Variants in SLC9A9 observed in about 807,000 individuals in gnomAD.
The protein encoded by SLC9A9 is solute carrier family 9 member A9, also known as sodium/hydrogen exchanger 9.
A neutral mutation model predicts 77.8 loss-of-function variants in SLC9A9; 62 were observed. The observed-to-expected ratio is 0.80, with a 90% CI of 0.65 to 0.98. SLC9A9 has a LOEUF of 0.98. Ranked by LOEUF, SLC9A9 falls within the 50% of genes least tolerant of loss-of-function variation. SLC9A9 has a pLI of 0.00. For missense variants in SLC9A9, 775 were observed against 774.9 expected (o/e 1.00, Z 0.00); for synonymous variants, 320 against 283.5 (o/e 1.13, Z -1.29).
At chr3:143,757,326 A>T (rs1007398001) in intron 4 of SLC9A9, among the ~76,000 whole-genome samples, 2 of 152,164 alleles carry the variant, frequency 1.3e-5, no homozygotes, top group African/African-American at 4.8e-5. Context: ...GGAGCTAGGC[A>T]TTATGGAGAA....
intron 12 of SLC9A9, among the ~76,000 whole-genome samples, chr3:143,394,165 A>T (rs183897296): frequency 6.6e-6 from 1 of 152,282 alleles, no homozygotes; most frequent in East Asian, 1.9e-4. Context: ...AGAATTTTAG[A>T]CCAATATCCC....
intron 12 of SLC9A9, among the ~76,000 whole-genome samples, chr3:143,429,187 A>T (rs1322417515): frequency 6.6e-6 from 1 of 152,254 alleles, no homozygotes; most frequent in Non-Finnish European, 1.5e-5. Flanking sequence ...ATTATAAATT[A>T]AAAAAGAAAT....
rs185827430 is a variant in SLC9A9, at chr3:143,642,651, C to G, written c.755+9604G>C. ...TTCAAAATATTGCCACAATTCAATTCTCTTTAGTTTCTCCTTTTGAAATTT... is the reference window on the plus strand; with the variant it reads ...TTCAAAATATTGCCACAATTCAATTGTCTTTAGTTTCTCCTTTTGAAATTT... On this transcript the variant is annotated intron_variant, in intron 6 of 15. Coordinates refer to ENST00000316549, the MANE Select transcript of SLC9A9 (RefSeq NM_173653.4). Among the ~76,000 whole-genome samples, 796 of 152,258 alleles carry G rather than the reference C, an allele frequency of 5.2e-3. 10 individuals carry two copies. The highest frequency in any genetic ancestry group is 0.022 in the South Asian group (105 of 4,810).
chr3:143,513,907 C>CAT (rs2036159665), intron 9 of SLC9A9, among the ~76,000 whole-genome samples: 1 of 152,170 alleles, frequency 6.6e-6, no homozygotes, highest in East Asian at 1.9e-4. Context: ...CATATGTATA[C>CAT]ATGTGCCATG....
chr3:143,802,294 T>C (rs2008584994), intron 2 of SLC9A9, among the ~76,000 whole-genome samples: 1 of 152,222 alleles, frequency 6.6e-6, no homozygotes, highest in African/African-American at 2.4e-5. Context: ...TTAGAATCTC[T>C]AATTTCCTTT....
At chr3:143,720,988 C>T (rs554164976) in intron 4 of SLC9A9, among the ~76,000 whole-genome samples, 1 of 152,254 alleles carries the variant, frequency 6.6e-6, no homozygotes, top group South Asian at 2.1e-4. Context: ...GTAAGAGGAC[C>T]ACTTGAGCCC....
chr3:143,356,730 G>T (rs899414251), intron 14 of SLC9A9, among the ~76,000 whole-genome samples: 5 of 152,042 alleles, frequency 3.3e-5, no homozygotes. Context: ...GCCCAGGGTG[G>T]TCTCAAACTC....
intron 14 of SLC9A9, among the ~76,000 whole-genome samples, chr3:143,329,894 A>G (rs915280212): frequency 1.3e-5 from 2 of 151,910 alleles, no homozygotes; most frequent in African/African-American, 2.4e-5. Context: ...TTTCCTCCCT[A>G]CAGGTTCTGG....
intron 4 of SLC9A9, among the ~76,000 whole-genome samples, chr3:143,734,242 G>A (rs1234362920): frequency 2.0e-5 from 3 of 151,934 alleles, no homozygotes; most frequent in Non-Finnish European, 2.9e-5. Flanking sequence ...ACCTTGAATT[G>A]AAACTAAGAA....
chr3:143,538,492 A>G (rs570517992), intron 9 of SLC9A9, among the ~76,000 whole-genome samples: 114 of 152,336 alleles, frequency 7.5e-4, no homozygotes, highest in African/African-American at 2.6e-3. Flanking sequence ...GAACACCTGA[A>G]TAAGGACATA....
At chr3:143,736,295 T>C (rs1934940121) in intron 4 of SLC9A9, among the ~76,000 whole-genome samples, 1 of 152,232 alleles carries the variant, frequency 6.6e-6, no homozygotes, top group Non-Finnish European at 1.5e-5. Flanking sequence ...TATTTGTTTA[T>C]TTCTCTTCTA....
chr3:143,640,441 C>A (rs2038602464), intron 6 of SLC9A9, among the ~76,000 whole-genome samples: 2 of 152,154 alleles, frequency 1.3e-5, no homozygotes, highest in African/African-American at 4.8e-5. Context: ...GACTAGAAAC[C>A]ATCACTGGGC....
chr3:143,413,780 C>CTGTGTG (rs3068538), intron 12 of SLC9A9, among the ~76,000 whole-genome samples: 379 of 150,306 alleles, frequency 2.5e-3, no homozygotes, highest in African/African-American at 7.9e-3. Flanking sequence ...GTATTATTAA[C>CTGTGTG]TGTGTGTGTG....
At chr3:143,369,039 A>T (rs915862349) in intron 13 of SLC9A9, among the ~76,000 whole-genome samples, 2 of 152,284 alleles carry the variant, frequency 1.3e-5, no homozygotes, top group South Asian at 4.1e-4. Context: ...GAGAGAAAAA[A>T]ACTGAGACAA....
At chr3:143,484,309 A>G (rs185583662) in intron 11 of SLC9A9, among the ~76,000 whole-genome samples, 5 of 152,312 alleles carry the variant, frequency 3.3e-5, no homozygotes, top group African/African-American at 1.2e-4. Context: ...AAGGCCAGAC[A>G]GTGTGTTGTT....
At chr3:143,722,115 T>C (rs962581075) in intron 4 of SLC9A9, among the ~76,000 whole-genome samples, 1 of 152,180 alleles carries the variant, frequency 6.6e-6, no homozygotes, top group Non-Finnish European at 1.5e-5. Context: ...TGCAATTTTG[T>C]CAGGTTCAAA....
At chr3:143,593,009 TA>T (rs200500090) in intron 6 of SLC9A9, among the ~76,000 whole-genome samples, 4 of 151,500 alleles carry the variant, frequency 2.6e-5, no homozygotes, top group South Asian at 2.1e-4. Flanking sequence ...TAATAGTAAT[TA>T]AAAAAAAACT....
At chr3:143,348,224 C>T (rs6803710) in intron 14 of SLC9A9, among the ~76,000 whole-genome samples, 5,696 of 152,158 alleles carry the variant, frequency 0.037, 178 homozygotes, top group African/African-American at 0.089. Flanking sequence ...GTCTTGATCT[C>T]GACCTTGTGA....
intron 6 of SLC9A9, among the ~76,000 whole-genome samples, chr3:143,610,368 A>C (rs1353535891): frequency 6.6e-6 from 1 of 152,104 alleles, no homozygotes; most frequent in African/African-American, 2.4e-5. Context: ...GCTGGTCTTG[A>C]ACTCCTGGGC....
Sources: allele counts gnomAD v4.1 joint callset (sites outside exome capture counted in the v4.1 genomes callset), GRCh38; gene constraint gnomAD v4.1.1; transcripts MANE v1.5; gene names NCBI Gene and HGNC (gene_info 2026-07-23, HGNC 2026-07-21).